Variants in NLRP3 observed in about 807,000 individuals in gnomAD.
The protein encoded by NLRP3 is NACHT, LRR and PYD domains-containing protein 3.
NLRP3 carries 48 observed loss-of-function variants against 91.3 expected under a neutral mutation model. That is an observed-to-expected ratio of 0.53 (90% CI 0.42 to 0.67). The LOEUF (loss-of-function observed/expected upper bound fraction) is 0.67, where lower values mean the gene tolerates loss of function less well. NLRP3 is among the 30% of genes least tolerant of loss of function. The probability of loss-of-function intolerance (pLI) is 0.00; values close to 1 mark genes in which losing one functional copy is unlikely to be tolerated. For missense variants in NLRP3, 982 were observed against 1,276.9 expected, an observed-to-expected ratio of 0.77 and a Z score of 3.52; for synonymous variants, 561 against 507.9, an observed-to-expected ratio of 1.10 and a Z score of -1.41.
rs933790794 is a variant in NLRP3, at chr1:247,436,290, C to T, written c.2663+150C>T. ...CAGAAATGCTTTGAAGGACTGGAGG[C>T]ATATAATGTATACTGCTGCTAATAA... On this transcript the variant is annotated intron_variant, in intron 7 of 9. Coordinates refer to ENST00000336119, the MANE Select transcript of NLRP3 (RefSeq NM_001243133.2). 8.3e-6 allele frequency: 6 copies of T among 722,896 alleles called. 1 individual carries two copies. The highest frequency in any genetic ancestry group is 3.5e-5 in the African/African-American group (2 of 57,156). 44.8% of individuals were successfully genotyped at this position (722,896 alleles called of 1,614,324 possible).
At chr1:247,430,306 C>T (rs879869038) in intron 5 of NLRP3, among the ~76,000 whole-genome samples, 12 of 152,294 alleles carry the variant, frequency 7.9e-5, no homozygotes, top group East Asian at 5.8e-4. Flanking sequence ...CTTCTGAGGC[C>T]GCCCTCCTTG....
intron 2 of NLRP3, among the ~76,000 whole-genome samples, chr1:247,422,926 A>G (rs1233370199): frequency 2.6e-5 from 4 of 152,216 alleles, no homozygotes; most frequent in Non-Finnish European, 5.9e-5. Context: ...CGAGGGTAAA[A>G]GAAACTTAGC....
At position 247,418,634 on chromosome 1, in the gene NLRP3, T is replaced by C. The variant is rs200544436; in HGVS notation, c.-167T>C. Reference sequence around the variant, plus strand: ...ACTTTTCAAAATTAAAGATTTTGACTTGTTACAGTCATGTGACATTTTTTT... The same window carrying C: ...ACTTTTCAAAATTAAAGATTTTGACCTGTTACAGTCATGTGACATTTTTTT... On this transcript the variant is annotated 5_prime_UTR_variant, in exon 2 of 10. Transcript: ENST00000336119. The C allele has an allele frequency of 4.6e-6, 4 of 865,136 alleles. No individual in the cohort carries two copies. Among genetic ancestry groups the C allele is most frequent in the Non-Finnish European group, 5.4e-6 (3 of 551,786 alleles). The allele number at this position is 865,136 out of a possible 1,614,324, so 53.6% of individuals were successfully genotyped here.
intron 5 of NLRP3, among the ~76,000 whole-genome samples, chr1:247,432,469 G>A (rs1440021314): frequency 6.6e-6 from 1 of 152,160 alleles, no homozygotes; most frequent in East Asian, 1.9e-4. Context: ...TATGTATATA[G>A]ATCACACTCT....
intron 6 of NLRP3, among the ~76,000 whole-genome samples, chr1:247,435,434 G>T (rs531814587): frequency 1.3e-5 from 2 of 152,122 alleles, no homozygotes; most frequent in African/African-American, 4.8e-5. Context: ...GATGAGCCTC[G>T]GGGACATTAT....
chr1:247,434,363 A>T, intron 6 of NLRP3, 90 bp downstream of exon 6: 2 of 1,418,688 alleles, frequency 1.4e-6, no homozygotes, highest in African/African-American at 2.8e-5. Context: ...CTGGGGTTTG[A>T]GTGAGAATGG....
intron 7 of NLRP3, among the ~76,000 whole-genome samples, chr1:247,441,885 A>C (rs1031374909): frequency 6.6e-6 from 1 of 152,256 alleles, no homozygotes; most frequent in African/African-American, 2.4e-5. Flanking sequence ...TGAATAATCC[A>C]TTCTACTCCT....
At position 247,436,110 on chromosome 1, in the gene NLRP3, A is replaced by G; in HGVS notation, c.2633A>G (p.Lys878Arg). ...SGVAILCEKA[K>R]NPQCNLQKLG... ...GTCGCAATTTTATGTGAAAAAGCCA[A>G]GAATCCACAGTGTAACCTGCAGAAA... Residue 878 changes from lysine (K) to arginine (R), a missense_variant, in exon 7 of 10, where the codon AAG becomes AGG. By Grantham distance (26) the Lys-to-Arg change is conservative (BLOSUM62 2). Transcript: ENST00000336119. 2 of 1,614,220 alleles carry G rather than the reference A, an allele frequency of 1.2e-6. No homozygotes were observed. The highest frequency in any genetic ancestry group is 1.7e-6 in the Non-Finnish European group (2 of 1,180,034).
At chr1:247,429,998 C>T (rs1164614755) in intron 5 of NLRP3, among the ~76,000 whole-genome samples, 1 of 152,120 alleles carries the variant, frequency 6.6e-6, no homozygotes, top group Admixed American at 6.5e-5. Context: ...CCTCAGCCTC[C>T]TGAGTAGCTG....
chr1:247,431,236 C>A lies in NLRP3; in HGVS notation c.2321+1481C>A, dbSNP rs114162782. Reference sequence around the variant, plus strand: ...AAAAATGTGCTTGCTTTCTCCCACACCATGAATCAGATTCACACGCCCCAC... The same window carrying A: ...AAAAATGTGCTTGCTTTCTCCCACAACATGAATCAGATTCACACGCCCCAC... On this transcript the variant is annotated intron_variant, in intron 5 of 9. Transcript: ENST00000336119. 6.3e-3 allele frequency among the ~76,000 whole-genome samples: 964 copies of A among 152,216 alleles called. 7 individuals are homozygous for A. Among genetic ancestry groups the A allele is most frequent in the African/African-American group, 0.023 (935 of 41,538 alleles).
chr1:247,448,790 T>G lies in NLRP3; in HGVS notation c.*286T>G. Reference sequence around the variant, plus strand: ...CTCTTGGTGACCTCATGTAATTAGCTCATTCAATAAAGCACTTTCTTTATT... The same window carrying G: ...CTCTTGGTGACCTCATGTAATTAGCGCATTCAATAAAGCACTTTCTTTATT... On this transcript the variant is annotated 3_prime_UTR_variant, in exon 10 of 10. Coordinates refer to ENST00000336119, the MANE Select transcript of NLRP3 (RefSeq NM_001243133.2). 2.2e-6 allele frequency: 1 copy of G among 460,238 alleles called. No individual in the cohort carries two copies. The allele number at this position is 460,238 out of a possible 1,614,324, so 28.5% of individuals were successfully genotyped here.
In NLRP3 at chr1:247,435,974, G is replaced by A. The variant is rs776693405; in HGVS notation, c.2497G>A (p.Val833Ile). The change falls in exon 7 of 10, where the codon GTC becomes ATC. Residue 833 changes from valine (V) to isoleucine (I), a missense_variant. Val to Ile is a conservative substitution (Grantham distance 29, BLOSUM62 3). Around this residue, in one of 5 missense-constraint regions of NLRP3, gnomAD observed 373 missense variants for 431.5 expected, o/e 0.86. Coordinates refer to ENST00000336119, the MANE Select transcript of NLRP3 (RefSeq NM_001243133.2). ...ATTCTGCCATCTCTATGGAAGGTTG[G>A]TCAGCTGCTGCCTCACATCAGCATG... The part of the protein sequence containing the change: ...LLCNLKKLWL[V>I]SCCLTSACCQ... 2 of 1,613,870 alleles carry A rather than the reference G, an allele frequency of 1.2e-6. No homozygotes were observed. The highest frequency in any genetic ancestry group is 1.7e-6 in the Non-Finnish European group (2 of 1,180,012).
In NLRP3 at chr1:247,429,648, C is replaced by T. The variant is rs183128734; in HGVS notation, c.2214C>T (p.Ser738=). ...GCCTCTTTTCAGTTCTGAGCACCAG[C>T]CAGAGTCTAACTGAATTGGACCTCA... ...CRGLFSVLST[S]QSLTELDLSD... Residue 738 remains serine (S), a synonymous_variant, in exon 5 of 10, where the codon AGC becomes AGT. Transcript: ENST00000336119. 8.5e-5 allele frequency: 137 copies of T among 1,614,172 alleles called. 1 individual carries two copies. In the Admixed American group the frequency reaches 2.2e-3, roughly 27 times the overall value.
chr1:247,444,638 C>A lies in NLRP3; in HGVS notation c.2835-13C>A. On this transcript the variant is annotated splice_polypyrimidine_tract_variant and intron_variant, in intron 8 of 9. Coordinates refer to ENST00000336119, the MANE Select transcript of NLRP3 (RefSeq NM_001243133.2). ...TAAGGGGACATTTTCTTTAAATCAC[C>A]CCCTTTTTGCAGATTAGACAACTGC... 1.9e-6 allele frequency: 3 copies of A among 1,613,750 alleles called. No homozygotes were observed. Among genetic ancestry groups the A allele is most frequent in the South Asian group, 2.2e-5 (2 of 91,062 alleles).
At chr1:247,442,529 G>A (rs1237667714) in intron 7 of NLRP3, among the ~76,000 whole-genome samples, 2 of 151,980 alleles carry the variant, frequency 1.3e-5, no homozygotes, top group African/African-American at 4.8e-5. Flanking sequence ...TGCATTTTTG[G>A]GGTTTTATGC....
intron 7 of NLRP3, among the ~76,000 whole-genome samples, chr1:247,437,204 T>C (rs903995667): frequency 2.6e-5 from 4 of 152,252 alleles, no homozygotes; most frequent in African/African-American, 9.6e-5. Flanking sequence ...ACCTGTCTTT[T>C]GACCCATTGA....
In NLRP3 at chr1:247,443,983, C is replaced by T; in HGVS notation, c.2675C>T (p.Ser892Phe). The change falls in exon 8 of 10, where the codon TCT becomes TTT. Residue 892 changes from serine (S) to phenylalanine (F), a missense_variant. Ser to Phe is a radical substitution (Grantham distance 155). Transcript: ENST00000336119. ...CNLQKLGLVN[S>F]GLTSVCCSAL... ...CTGTCCTTCTACAGGTTGGTGAATT[C>T]TGGCCTTACGTCAGTCTGTTGTTCA... 1 of 1,614,084 alleles carries T rather than the reference C, an allele frequency of 6.2e-7. No homozygotes were observed. The highest frequency in any genetic ancestry group is 8.5e-7 in the Non-Finnish European group (1 of 1,179,992).
intron 4 of NLRP3, among the ~76,000 whole-genome samples, chr1:247,428,294 C>G (rs1407256693): frequency 6.7e-6 from 1 of 148,866 alleles, no homozygotes; most frequent in Non-Finnish European, 1.5e-5. Flanking sequence ...GGGGGCTCAG[C>G]ACCCATCTTT....
At chr1:247,432,567 G>A (rs534993784) in intron 5 of NLRP3, among the ~76,000 whole-genome samples, 2 of 152,262 alleles carry the variant, frequency 1.3e-5, no homozygotes, top group African/African-American at 2.4e-5. Flanking sequence ...CCAACTTCAT[G>A]CCCAAATTCT....
Sources: gnomAD v4.1 joint callset for allele counts (sites outside exome capture counted in the v4.1 genomes callset) on GRCh38, gnomAD v4.1.1 for gene constraint, gnomAD v4.1.1 regional missense constraint, MANE v1.5 for transcripts, NCBI Gene and HGNC (gene_info 2026-07-23, HGNC 2026-07-21) for gene names.